The following BRAF variants were observed in gnomAD, a reference collection of about 807,000 sequenced individuals.
The protein encoded by BRAF is B-Raf proto-oncogene, serine/threonine kinase, also known as serine/threonine-protein kinase B-raf.
Under a neutral mutation model 104.6 loss-of-function variants are expected in BRAF, and 16 were observed. That is an observed-to-expected ratio of 0.15 (90% CI 0.10 to 0.23). BRAF has a LOEUF of 0.23. Among genes scored for constraint, BRAF ranks in the 10% least tolerant of loss-of-function variants. The pLI, the probability that BRAF is intolerant of heterozygous loss-of-function variation, is 1.00. For synonymous variants in BRAF, 310 were observed against 341.6 expected, an observed-to-expected ratio of 0.91 and a Z score of 1.02; for missense variants, 541 against 937.3, an observed-to-expected ratio of 0.58 and a Z score of 5.52.
chr7:140,765,235 T>C lies in BRAF; in HGVS notation c.1815-11002A>G, dbSNP rs182081612. Reference sequence around the variant, plus strand: ...ACTTAATAAACGGTGCTGGGAAAACTGGCTAGCCATATGTAGAAAGCTGAA... The same window carrying C: ...ACTTAATAAACGGTGCTGGGAAAACCGGCTAGCCATATGTAGAAAGCTGAA... On this transcript the variant is annotated intron_variant, in intron 14 of 19. Transcript: ENST00000644969. Among the ~76,000 whole-genome samples the C allele has an allele frequency of 2.0e-3, 311 of 152,338 alleles. 6 individuals are homozygous for C. The East Asian group carries it at 0.046, about 22-fold the overall frequency.
At chr7:140,824,005 G>GTTGTATGCT (rs1368015146) in intron 3 of BRAF, 1 of 152,118 alleles carries the variant, frequency 6.6e-6, no homozygotes, top group Admixed American at 6.5e-5. Flanking sequence ...TTTTAACAAG[G>GTTGTATGCT]TTGTATGCTA....
At chr7:140,905,394 C>T (rs1200347756) in intron 1 of BRAF, among the ~76,000 whole-genome samples, 6 of 152,156 alleles carry the variant, frequency 3.9e-5, no homozygotes, top group Non-Finnish European at 1.5e-5. Context: ...TTTGAGGTGA[C>T]TCTTCTGCCA....
At chr7:140,826,214 T>G (rs1257805886) in intron 3 of BRAF, among the ~76,000 whole-genome samples, 1 of 152,240 alleles carries the variant, frequency 6.6e-6, no homozygotes, top group Non-Finnish European at 1.5e-5. Flanking sequence ...TTGCTGTAAC[T>G]AACTTGACAT....
At chr7:140,783,845 TGTAA>T (rs777182509) in intron 10 of BRAF, among the ~76,000 whole-genome samples, 1 of 152,266 alleles carries the variant, frequency 6.6e-6, no homozygotes, top group Admixed American at 6.5e-5. Context: ...TCTCTGCCTT[TGTAA>T]GTGAGAGCTT....
chr7:140,722,670 C>A lies in BRAF; in HGVS notation c.*3824G>T. On this transcript the variant is annotated 3_prime_UTR_variant, in exon 20 of 20. Coordinates refer to ENST00000644969, the MANE Select transcript of BRAF (RefSeq NM_001374258.1). ...CTTGCAAAAAGAGTAATCATTCTAC[C>A]CTCTTAGCTGGGTGGTCTTTCTATG... The A allele has an allele frequency of 9.5e-7, 1 of 1,052,238 alleles. No individual in the cohort carries two copies. Among genetic ancestry groups the A allele is most frequent in the Non-Finnish European group, 1.1e-6 (1 of 871,042 alleles). The allele number at this position is 1,052,238 out of a possible 1,614,324, so 65.2% of individuals were successfully genotyped here.
intron 14 of BRAF, among the ~76,000 whole-genome samples, chr7:140,763,473 C>CA (rs1303547914): frequency 6.6e-6 from 1 of 150,720 alleles, no homozygotes; most frequent in Non-Finnish European, 1.5e-5. Flanking sequence ...CTGACCCCCC[C>CA]ACCTCCTTCC....
chr7:140,751,815 TAA>T (rs982478122), intron 16 of BRAF, among the ~76,000 whole-genome samples: 1 of 152,226 alleles, frequency 6.6e-6, no homozygotes, highest in Non-Finnish European at 1.5e-5. Flanking sequence ...GACTGCTACA[TAA>T]AGTTTGTGGC....
chr7:140,830,769 G>C (rs1188128847), intron 3 of BRAF, among the ~76,000 whole-genome samples: 1 of 152,184 alleles, frequency 6.6e-6, no homozygotes, highest in Non-Finnish European at 1.5e-5. Flanking sequence ...TGAACATTTG[G>C]AGGTAGTGGA....
chr7:140,884,069 T>G (rs1403675302), intron 1 of BRAF: 1 of 152,106 alleles, frequency 6.6e-6, no homozygotes, highest in African/African-American at 2.4e-5. Flanking sequence ...ATAACAAAAT[T>G]TGGTGCTTGC....
At chr7:140,912,398 G>C (rs1586633979) in intron 1 of BRAF, among the ~76,000 whole-genome samples, 1 of 152,112 alleles carries the variant, frequency 6.6e-6, no homozygotes, top group African/African-American at 2.4e-5. Flanking sequence ...TTATCATAAA[G>C]TATAGATGCT....
Position 140,722,097 on chromosome 7 carries a change from T to C in BRAF, c.*4397A>G, listed in dbSNP as rs993384893. 3 of 1,080,314 alleles carry C rather than the reference T, an allele frequency of 2.8e-6. No individual in the cohort carries two copies. The highest frequency in any genetic ancestry group is 4.9e-5 in the East Asian group (1 of 20,546). 66.9% of individuals were successfully genotyped at this position (1,080,314 alleles called of 1,614,324 possible). A position where few individuals can be genotyped will look rare whatever the true frequency, so the allele number is the denominator to read the frequency against. Reference sequence around the variant, plus strand: ...GTCAACATTTCTGTTGTATAAAAGTTCCATGCTTTGAAGAGCCTATGGGAG... The same window carrying C: ...GTCAACATTTCTGTTGTATAAAAGTCCCATGCTTTGAAGAGCCTATGGGAG... On this transcript the variant is annotated 3_prime_UTR_variant, in exon 20 of 20. Coordinates refer to ENST00000644969, the MANE Select transcript of BRAF (RefSeq NM_001374258.1).
At chr7:140,760,421 G>GAAA (rs55872126) in intron 14 of BRAF, among the ~76,000 whole-genome samples, 6 of 111,248 alleles carry the variant, frequency 5.4e-5, no homozygotes, top group Non-Finnish European at 3.9e-5. Flanking sequence ...TTGAGAGAGA[G>GAAA]AAAAAAAAAA....
At position 140,723,924 on chromosome 7, in the gene BRAF, T is replaced by C. The variant is rs1795451487; in HGVS notation, c.*2570A>G. ...AAAAATAAAGCAGATAAAACACAAA[T>C]AAAACCTATTTTCATGTCATTTGTA... On this transcript the variant is annotated 3_prime_UTR_variant, in exon 20 of 20. Coordinates refer to ENST00000644969, the MANE Select transcript of BRAF (RefSeq NM_001374258.1). 1.9e-6 allele frequency: 2 copies of C among 1,042,540 alleles called. No homozygotes were observed. The highest frequency in any genetic ancestry group is 5.6e-5 in the Admixed American group (1 of 17,936). 64.6% of individuals were successfully genotyped at this position (1,042,540 alleles called of 1,614,324 possible). A position where few individuals can be genotyped will look rare whatever the true frequency, so the allele number is the denominator to read the frequency against.
intron 8 of BRAF, among the ~76,000 whole-genome samples, chr7:140,788,120 T>C (rs1355084918): frequency 1.3e-5 from 2 of 152,154 alleles, no homozygotes; most frequent in African/African-American, 4.8e-5. Flanking sequence ...CTGCACATCC[T>C]GCACATGTAC....
At chr7:140,855,543 G>A (rs544975888) in intron 1 of BRAF, among the ~76,000 whole-genome samples, 5 of 133,348 alleles carry the variant, frequency 3.7e-5, no homozygotes, top group East Asian at 4.0e-4. Context: ...ACATGAAGGG[G>A]AGCTATGGCA....
At chr7:140,808,281 A>G (rs777279610) in intron 4 of BRAF, 1 of 519,472 alleles carries the variant, frequency 1.9e-6, no homozygotes, top group Non-Finnish European at 3.7e-6. Context: ...GGGTAAAGAG[A>G]TGTACTCTTT....
chr7:140,752,251 T>A (rs1381217491), intron 16 of BRAF, among the ~76,000 whole-genome samples: 1 of 152,180 alleles, frequency 6.6e-6, no homozygotes, highest in East Asian at 1.9e-4. Context: ...AGCAGGCCAG[T>A]CAACTCCTGG....
chr7:140,763,093 A>C (rs1256732558), intron 14 of BRAF, among the ~76,000 whole-genome samples: 1 of 152,206 alleles, frequency 6.6e-6, no homozygotes, highest in African/African-American at 2.4e-5. Context: ...CGCCATTGTC[A>C]TCATGGCCCG....
chr7:140,840,371 G>A (rs1018260242), intron 2 of BRAF, among the ~76,000 whole-genome samples: 1 of 90,950 alleles, frequency 1.1e-5, no homozygotes, highest in African/African-American at 1.3e-4. Flanking sequence ...CTTTAAAATA[G>A]ATAAATTGGA....
Sources: gnomAD v4.1 joint callset for allele counts (sites outside exome capture counted in the v4.1 genomes callset) on GRCh38, gnomAD v4.1.1 for gene constraint, MANE v1.5 for transcripts, NCBI Gene and HGNC (gene_info 2026-07-23, HGNC 2026-07-21) for gene names.